The following TRIM2 variants were observed in gnomAD, a reference collection of about 807,000 sequenced individuals.
TRIM2 encodes tripartite motif containing 2, also known as tripartite motif-containing protein 2.
A neutral mutation model predicts 75.2 loss-of-function variants in TRIM2; 20 were observed. The ratio of observed to expected loss-of-function variants is 0.27; its 90% CI spans 0.19 to 0.39. The LOEUF (loss-of-function observed/expected upper bound fraction) is 0.39, where lower values mean the gene tolerates loss of function less well. TRIM2 is among the 10% of genes least tolerant of loss of function. The pLI, the probability that TRIM2 is intolerant of heterozygous loss-of-function variation, is 1.00. For synonymous variants in TRIM2, 373 were observed against 388.3 expected, an observed-to-expected ratio of 0.96 and a Z score of 0.46; for missense variants, 660 against 990.8, an observed-to-expected ratio of 0.67 and a Z score of 4.48.
intron 6 of TRIM2, among the ~76,000 whole-genome samples, chr4:153,299,440 G>A (rs1763414408): frequency 6.6e-6 from 1 of 151,980 alleles, no homozygotes; most frequent in South Asian, 2.1e-4. Context: ...GGACACTTAG[G>A]TTGATTCCAT....
intron 1 of TRIM2, among the ~76,000 whole-genome samples, chr4:153,166,318 T>A (rs1467402947): frequency 9.2e-5 from 14 of 152,232 alleles, no homozygotes; most frequent in Admixed American, 9.2e-4. Context: ...TCTCTGACTG[T>A]CCATTCGTAT....
chr4:153,202,883 G>A (rs1734553172), upstream of TRIM2, among the ~76,000 whole-genome samples: 1 of 151,908 alleles, frequency 6.6e-6, no homozygotes, highest in African/African-American at 2.4e-5. Context: ...GAGGTGGGCA[G>A]ATCACGAGGT....
intron 1 of TRIM2, among the ~76,000 whole-genome samples, chr4:153,216,730 G>A (rs1738569522): frequency 6.6e-6 from 1 of 152,168 alleles, no homozygotes; most frequent in Non-Finnish European, 1.5e-5. Context: ...TGTCTGCTGA[G>A]GGCTGCTCTC....
intron 3 of TRIM2, among the ~76,000 whole-genome samples, chr4:153,284,189 T>G (rs1175480741): frequency 6.8e-6 from 1 of 146,026 alleles, no homozygotes; most frequent in Non-Finnish European, 1.5e-5. Context: ...TGGTTTTTTT[T>G]GTTTTGTTTT....
intron 1 of TRIM2, among the ~76,000 whole-genome samples, chr4:153,229,858 T>C (rs1743147804): frequency 6.6e-6 from 1 of 152,190 alleles, no homozygotes; most frequent in Admixed American, 6.5e-5. Context: ...TTTCTTTCGT[T>C]AGATTTTTTT....
chr4:153,282,245 G>C (rs1269338007), intron 3 of TRIM2, among the ~76,000 whole-genome samples: 1 of 152,182 alleles, frequency 6.6e-6, no homozygotes, highest in African/African-American at 2.4e-5. Flanking sequence ...TTAAACCAAA[G>C]CTGTCAGAAC....
At chr4:153,313,398 G>A (rs1292050483) in intron 6 of TRIM2, among the ~76,000 whole-genome samples, 1 of 152,096 alleles carries the variant, frequency 6.6e-6, no homozygotes, top group Non-Finnish European at 1.5e-5. Flanking sequence ...CCTGGGTCTG[G>A]TGAGAACCAG....
chr4:153,152,878 C>A (rs1174927981), upstream of TRIM2, among the ~76,000 whole-genome samples: 1 of 152,208 alleles, frequency 6.6e-6, no homozygotes, highest in East Asian at 1.9e-4. Context: ...CCGATTTCTG[C>A]TCGGAGTGAA....
At chr4:153,240,125 C>T (rs1049897848) in intron 1 of TRIM2, among the ~76,000 whole-genome samples, 2 of 152,100 alleles carry the variant, frequency 1.3e-5, no homozygotes, top group Admixed American at 6.5e-5. Context: ...TAAGCCACCA[C>T]GCCTGGCCAG....
At chr4:153,308,547 G>A in intron 6 of TRIM2, 1 of 715,512 alleles carries the variant, frequency 1.4e-6, no homozygotes, top group South Asian at 1.4e-5. Flanking sequence ...GGTAGGTGAA[G>A]GCAATATCCT....
At chr4:153,252,390 T>G (rs922905449) in intron 1 of TRIM2, among the ~76,000 whole-genome samples, 6 of 152,212 alleles carry the variant, frequency 3.9e-5, no homozygotes, top group Non-Finnish European at 8.8e-5. Flanking sequence ...CTCTATTACA[T>G]TATGGTTACT....
rs113826747 is a variant in TRIM2, at chr4:153,249,445, G to T, written c.31-20890G>T. ...ATGACCGCAGGATGGAATCGTAGAG[G>T]TCGGGTGATTTGGTCAGTAGAGAGG... On this transcript the variant is annotated intron_variant, in intron 1 of 11. Transcript: ENST00000338700. Among the ~76,000 whole-genome samples, 892 of 152,392 alleles carry T rather than the reference G, an allele frequency of 5.9e-3. 6 individuals carry two copies. Among genetic ancestry groups the T allele is most frequent in the African/African-American group, 0.02 (828 of 41,600 alleles).
chr4:153,307,937 G>C, intron 6 of TRIM2: 2 of 754,868 alleles, frequency 2.6e-6, no homozygotes, highest in East Asian at 5.0e-5. Flanking sequence ...CCATTATGGA[G>C]TCGTACAGCC....
chr4:153,338,078 G>A lies in TRIM2; in HGVS notation c.*3112G>A, dbSNP rs1023821894. The A allele has an allele frequency of 8.1e-6, 8 of 985,704 alleles. No individual in the cohort carries two copies. The highest frequency in any genetic ancestry group is 1.1e-4 in the East Asian group (1 of 8,812). The allele number at this position is 985,704 out of a possible 1,614,324, so 61.1% of individuals were successfully genotyped here. A position where few individuals can be genotyped will look rare whatever the true frequency, so the allele number is the denominator to read the frequency against. On this transcript the variant is annotated 3_prime_UTR_variant, in exon 12 of 12. Transcript: ENST00000338700. ...AAGTTTCCTTATTTTAATTTACTGTGACTAGATTTGAAGCAAATAAATACT... is the reference window on the plus strand; with the variant it reads ...AAGTTTCCTTATTTTAATTTACTGTAACTAGATTTGAAGCAAATAAATACT...
At chr4:153,326,598 A>G (rs1195141223) in intron 10 of TRIM2, among the ~76,000 whole-genome samples, 2 of 152,266 alleles carry the variant, frequency 1.3e-5, no homozygotes, top group African/African-American at 4.8e-5. Context: ...AAAACAAGTA[A>G]GACTAGATTT....
chr4:153,338,865 G>C lies in TRIM2; in HGVS notation c.*3899G>C, dbSNP rs1173768087. ...TTGCTTTATGACATGGGAATGTTCT[G>C]TCATCAATGGAGTGTATTCTTGTAA... On this transcript the variant is annotated 3_prime_UTR_variant, in exon 12 of 12. Coordinates refer to ENST00000338700, the MANE Select transcript of TRIM2 (RefSeq NM_015271.5). 1.0e-6 allele frequency: 1 copy of C among 985,314 alleles called. No homozygotes were observed. The highest frequency in any genetic ancestry group is 6.2e-5 in the Admixed American group (1 of 16,240). The allele number at this position is 985,314 out of a possible 1,614,324, so 61.0% of individuals were successfully genotyped here. A position where few individuals can be genotyped will look rare whatever the true frequency, so the allele number is the denominator to read the frequency against.
At chr4:153,298,550 C>T (rs1191897247) in intron 6 of TRIM2, among the ~76,000 whole-genome samples, 1 of 152,158 alleles carries the variant, frequency 6.6e-6, no homozygotes, top group Non-Finnish European at 1.5e-5. Flanking sequence ...TTAATCACCC[C>T]TTCAAAGACC....
chr4:153,236,416 G>T (rs945546026), intron 1 of TRIM2, among the ~76,000 whole-genome samples: 4 of 151,976 alleles, frequency 2.6e-5, no homozygotes, highest in Admixed American at 1.3e-4. Flanking sequence ...TATTCATGCT[G>T]GCTCTTTCTG....
chr4:153,334,425 G>A (rs181502714), intron 11 of TRIM2, among the ~76,000 whole-genome samples: 198 of 145,690 alleles, frequency 1.4e-3, no homozygotes, highest in Non-Finnish European at 1.8e-3. Context: ...ACGGGGTCTC[G>A]CTATTTTGCT....
Sources: gnomAD v4.1 joint callset for allele counts (sites outside exome capture counted in the v4.1 genomes callset) on GRCh38, gnomAD v4.1.1 for gene constraint, MANE v1.5 for transcripts, NCBI Gene and HGNC (gene_info 2026-07-23, HGNC 2026-07-21) for gene names.